The following GRM5 variants were observed in gnomAD, a reference collection of about 807,000 sequenced individuals.
The protein encoded by GRM5 is glutamate metabotropic receptor 5.
A neutral mutation model predicts 83.1 loss-of-function variants in GRM5; 19 were observed. The ratio of observed to expected loss-of-function variants is 0.23; its 90% confidence interval spans 0.16 to 0.34. The LOEUF is 0.34. GRM5 is among the 10% of genes least tolerant of loss of function. GRM5 has a pLI of 1.00. For synonymous variants in GRM5, 675 were observed against 633.6 expected, an observed-to-expected ratio of 1.07 and a Z score of -0.98; for missense variants, 1,160 against 1,588.3, an observed-to-expected ratio of 0.73 and a Z score of 4.58.
chr11:89,062,071 C>T (rs1226335250), intron 1 of GRM5, among the ~76,000 whole-genome samples: 3 of 152,090 alleles, frequency 2.0e-5, no homozygotes, highest in East Asian at 3.8e-4. Flanking sequence ...TTTGACGGGA[C>T]GCACACTACT....
intron 9 of GRM5, 47 bp downstream of exon 9, chr11:88,525,262 G>T: frequency 9.3e-7 from 1 of 1,072,854 alleles, no homozygotes; most frequent in Non-Finnish European, 1.4e-6. Context: ...CCTCTAGCTT[G>T]CATACATTTA....
At chr11:88,839,730 TAC>T (rs1944161962) in intron 3 of GRM5, among the ~76,000 whole-genome samples, 1 of 152,224 alleles carries the variant, frequency 6.6e-6, no homozygotes, top group Non-Finnish European at 1.5e-5. Flanking sequence ...AACATCATGT[TAC>T]ACAGTCAAAT....
chr11:88,676,029 C>A (rs2135338941), intron 3 of GRM5, among the ~76,000 whole-genome samples: 1 of 152,062 alleles, frequency 6.6e-6, no homozygotes, highest in South Asian at 2.1e-4. Flanking sequence ...GATAAAAACC[C>A]TAAGGCTAGT....
intron 4 of GRM5, among the ~76,000 whole-genome samples, chr11:88,609,165 A>T (rs774902747): frequency 6.6e-6 from 1 of 152,034 alleles, no homozygotes; most frequent in Non-Finnish European, 1.5e-5. Flanking sequence ...TCTTCAAGCA[A>T]TCTCCAGTGT....
chr11:88,827,365 T>C (rs1168673525), intron 3 of GRM5, among the ~76,000 whole-genome samples: 1 of 152,190 alleles, frequency 6.6e-6, no homozygotes, highest in Non-Finnish European at 1.5e-5. Context: ...ACATGCATAC[T>C]CATATTTCAC....
intron 3 of GRM5, among the ~76,000 whole-genome samples, chr11:88,711,288 C>CT (rs960534378): frequency 6.6e-6 from 1 of 152,110 alleles, no homozygotes; most frequent in African/African-American, 2.4e-5. Flanking sequence ...TGTCTATCCT[C>CT]TTGCTGGTAC....
chr11:88,888,433 C>G (rs1945082997), intron 2 of GRM5, among the ~76,000 whole-genome samples: 1 of 152,138 alleles, frequency 6.6e-6, no homozygotes, highest in Non-Finnish European at 1.5e-5. Flanking sequence ...GGCAATACCT[C>G]TTGAAACCCT....
chr11:88,754,066 C>T (rs7122725), intron 3 of GRM5, among the ~76,000 whole-genome samples: 81 of 151,972 alleles, frequency 5.3e-4, no homozygotes, highest in Non-Finnish European at 1.5e-4. Flanking sequence ...AGACAGAGAA[C>T]CAAACCATAT....
chr11:88,509,608 CT>C (rs1941307765), intron 9 of GRM5, 104 bp from the exon 10 acceptor site: 1 of 718,132 alleles, frequency 1.4e-6, no homozygotes, highest in Non-Finnish European at 2.3e-6. Context: ...CTGGGGAGGA[CT>C]TTTCTCATTC....
At chr11:88,895,835 C>T (rs1230776596) in intron 2 of GRM5, among the ~76,000 whole-genome samples, 1 of 151,924 alleles carries the variant, frequency 6.6e-6, no homozygotes, top group African/African-American at 2.4e-5. Context: ...TGTAATTCAA[C>T]AAATGTTTAT....
intron 3 of GRM5, among the ~76,000 whole-genome samples, chr11:88,672,262 C>G (rs1940214301): frequency 6.6e-6 from 1 of 151,794 alleles, no homozygotes; most frequent in East Asian, 1.9e-4. Context: ...AATAGTGGAC[C>G]AAATTCAGTA....
intron 4 of GRM5, among the ~76,000 whole-genome samples, chr11:88,616,397 T>G (rs1271860791): frequency 1.4e-5 from 2 of 140,866 alleles, no homozygotes; most frequent in African/African-American, 3.0e-5. Context: ...GTGTTTTTTT[T>G]TTTTTTTTTT....
At chr11:88,650,236 T>C (rs952552924) in intron 4 of GRM5, among the ~76,000 whole-genome samples, 1 of 151,686 alleles carries the variant, frequency 6.6e-6, no homozygotes, top group African/African-American at 2.4e-5. Context: ...AGAAAACAAG[T>C]AGTAAATGAG....
chr11:88,967,282 C>A (rs1939016440), intron 2 of GRM5, among the ~76,000 whole-genome samples: 2 of 141,978 alleles, frequency 1.4e-5, no homozygotes, highest in East Asian at 2.0e-4. Flanking sequence ...TATATAAAAT[C>A]TTCTGAAGAG....
At position 88,818,982 on chromosome 11, in the gene GRM5, C is replaced by T. The variant is rs1440482654; in HGVS notation, c.911+30924G>A. On this transcript the variant is annotated intron_variant, in intron 3 of 9. Transcript: ENST00000305447. ...TCTAGAATATGTCCAGTTTTTCCAT[C>T]AGAAAGGATTTTTTTCCTTCCAATT... Among the ~76,000 whole-genome samples the T allele has an allele frequency of 2.0e-5, 3 of 152,272 alleles. No individual in the cohort carries two copies. In the East Asian group the frequency reaches 5.8e-4, roughly 29 times the overall value.
At chr11:88,923,356 G>T (rs1313114298) in intron 2 of GRM5, among the ~76,000 whole-genome samples, 1 of 152,122 alleles carries the variant, frequency 6.6e-6, no homozygotes, top group Admixed American at 6.6e-5. Flanking sequence ...ACACAAGATA[G>T]CACTATTCAG....
intron 1 of GRM5, among the ~76,000 whole-genome samples, chr11:89,053,015 G>A (rs1285496348): frequency 6.6e-6 from 1 of 152,060 alleles, no homozygotes; most frequent in Non-Finnish European, 1.5e-5. Flanking sequence ...ATTTCTTGCT[G>A]CCTCACAGCC....
intron 3 of GRM5, among the ~76,000 whole-genome samples, chr11:88,724,615 T>C (rs1941631857): frequency 6.6e-6 from 1 of 152,162 alleles, no homozygotes; most frequent in Admixed American, 6.5e-5. Flanking sequence ...CATAGGTGGC[T>C]GGCAAGATGG....
chr11:88,847,950 T>C lies in GRM5; in HGVS notation c.911+1956A>G, dbSNP rs1254102531. Among the ~76,000 whole-genome samples, 17 of 152,332 alleles carry C rather than the reference T, an allele frequency of 1.1e-4. No homozygotes were observed. The East Asian group carries it at 2.9e-3, about 26-fold the overall frequency. On this transcript the variant is annotated intron_variant, in intron 3 of 9. Coordinates refer to ENST00000305447, the MANE Select transcript of GRM5 (RefSeq NM_001143831.3). The stretch of plus-strand genomic sequence containing the variant: ...TTAGTGTACATGGGATCAAAGAACA[T>C]TTGCTTTTTGGCAAATACACCATAT...
Sources: allele counts gnomAD v4.1 joint callset (sites outside exome capture counted in the v4.1 genomes callset), GRCh38; gene constraint gnomAD v4.1.1; transcripts MANE v1.5; gene names NCBI Gene and HGNC (gene_info 2026-07-23, HGNC 2026-07-21).